Variants in NR3C2 observed in about 807,000 individuals in gnomAD.
NR3C2 encodes nuclear receptor subfamily 3 group C member 2, also known as mineralocorticoid receptor.
In NR3C2, 15 loss-of-function variants were observed where a neutral mutation model predicts 86.4. That is an observed-to-expected ratio of 0.17 (90% CI 0.12 to 0.27). The LOEUF is 0.27. NR3C2 is among the 10% of genes least tolerant of loss of function. The probability of loss-of-function intolerance (pLI) is 1.00; values close to 1 mark genes in which losing one functional copy is unlikely to be tolerated. For synonymous variants in NR3C2, 458 were observed against 450.5 expected, an observed-to-expected ratio of 1.02 and a Z score of -0.21; for missense variants, 960 against 1,195.6, an observed-to-expected ratio of 0.80 and a Z score of 2.91.
chr4:148,346,994 G>A (rs17484678), intron 2 of NR3C2, among the ~76,000 whole-genome samples: 15,255 of 152,084 alleles, frequency 0.1, 932 homozygotes, highest in Middle Eastern at 0.29. Flanking sequence ...GGAATAAGCC[G>A]ATAAAGCCAG....
At chr4:148,388,095 G>A (rs1747359486) in intron 2 of NR3C2, among the ~76,000 whole-genome samples, 2 of 152,142 alleles carry the variant, frequency 1.3e-5, no homozygotes, top group African/African-American at 2.4e-5. Context: ...TTTGTGTCTT[G>A]TTTGGAAATT....
At chr4:148,399,683 GACAC>G (rs3045291) in intron 2 of NR3C2, among the ~76,000 whole-genome samples, 76,117 of 150,498 alleles carry the variant, frequency 0.51, 21,221 homozygotes, top group East Asian at 0.75. Flanking sequence ...TATATATACA[GACAC>G]ACACACACAC....
At position 148,262,715 on chromosome 4, in the gene NR3C2, G is replaced by A. The variant is rs79680611; in HGVS notation, c.1758-2598C>T. On this transcript the variant is annotated intron_variant, in intron 2 of 8. Transcript: ENST00000358102. ...GGGTGGACCCCAATCTAATAGGACT[G>A]ATGTTATTATATACAGGGGAAATTG... Among the ~76,000 whole-genome samples, 28 of 152,208 alleles carry A rather than the reference G, an allele frequency of 1.8e-4. 1 individual carries two copies. The East Asian group carries it at 5.4e-3, about 29-fold the overall frequency.
At chr4:148,399,523 A>G (rs573153356) in intron 2 of NR3C2, among the ~76,000 whole-genome samples, 3 of 152,232 alleles carry the variant, frequency 2.0e-5, no homozygotes, top group Admixed American at 6.5e-5. Flanking sequence ...AGGGTTATCC[A>G]TATCGAATTT....
At chr4:148,193,050 T>C (rs1164588148) in intron 4 of NR3C2, among the ~76,000 whole-genome samples, 2 of 152,192 alleles carry the variant, frequency 1.3e-5, no homozygotes, top group Non-Finnish European at 2.9e-5. Flanking sequence ...TTCCTTCTCC[T>C]TGTGGAGTTT....
chr4:148,216,964 A>C (rs1449735690), intron 3 of NR3C2, among the ~76,000 whole-genome samples: 2 of 152,232 alleles, frequency 1.3e-5, no homozygotes, highest in Non-Finnish European at 2.9e-5. Context: ...GCTGAAAGCC[A>C]CCACCACAGA....
At chr4:148,374,862 T>C (rs937542886) in intron 2 of NR3C2, among the ~76,000 whole-genome samples, 11 of 152,156 alleles carry the variant, frequency 7.2e-5, no homozygotes. Context: ...CCAAAAAGAC[T>C]GACACAAAAT....
chr4:148,250,398 T>A (rs529828315), intron 3 of NR3C2, among the ~76,000 whole-genome samples: 2 of 152,340 alleles, frequency 1.3e-5, no homozygotes, highest in South Asian at 2.1e-4. Context: ...GCTAGAATCA[T>A]AATTTAGTAG....
At position 148,436,252 on chromosome 4, in the gene NR3C2, C is replaced by T; in HGVS notation, c.609G>A (p.Ser203=). Residue 203 remains serine (S), a synonymous_variant, in exon 2 of 9, where the codon TCG becomes TCA. Coordinates refer to ENST00000358102, the MANE Select transcript of NR3C2 (RefSeq NM_000901.5). ...SVCSPLNMTS[S]VCSPAGINSV... is the part of the protein sequence containing the mutation. ...AGTTGATTCCAGCAGGGCTGCAAACCGAAGATGTCATGTTCAGAGGGCTGC... is the reference window on the plus strand; with the variant it reads ...AGTTGATTCCAGCAGGGCTGCAAACTGAAGATGTCATGTTCAGAGGGCTGC... 1 of 1,614,118 alleles carries T rather than the reference C, an allele frequency of 6.2e-7. No homozygotes were observed. Among genetic ancestry groups the T allele is most frequent in the Non-Finnish European group, 8.5e-7 (1 of 1,180,028 alleles).
At chr4:148,306,836 G>A (rs1347916999) in intron 2 of NR3C2, among the ~76,000 whole-genome samples, 1 of 152,122 alleles carries the variant, frequency 6.6e-6, no homozygotes, top group Non-Finnish European at 1.5e-5. Context: ...TATATCTTAT[G>A]GGGCAAATGA....
chr4:148,424,870 T>G (rs1169896138), intron 2 of NR3C2, among the ~76,000 whole-genome samples: 1 of 152,172 alleles, frequency 6.6e-6, no homozygotes, highest in Non-Finnish European at 1.5e-5. Flanking sequence ...ACAAAACATG[T>G]AGAACTGAAC....
At chr4:148,322,008 G>A (rs1252642905) in intron 2 of NR3C2, among the ~76,000 whole-genome samples, 18 of 152,212 alleles carry the variant, frequency 1.2e-4, no homozygotes, top group South Asian at 8.3e-4. Flanking sequence ...ATTTTGCAGC[G>A]GCTGGTACTG....
At chr4:148,305,701 G>A (rs549079990) in intron 2 of NR3C2, among the ~76,000 whole-genome samples, 54 of 152,298 alleles carry the variant, frequency 3.5e-4, no homozygotes, top group African/African-American at 1.3e-3. Flanking sequence ...ATGCATTAAA[G>A]ATTATGACTT....
chr4:148,349,314 C>A (rs934928905), intron 2 of NR3C2, among the ~76,000 whole-genome samples: 1 of 151,958 alleles, frequency 6.6e-6, no homozygotes, highest in African/African-American at 2.4e-5. Context: ...TGTCAATGAT[C>A]TTTTTATTTG....
intron 8 of NR3C2, among the ~76,000 whole-genome samples, chr4:148,092,968 A>T (rs1440908684): frequency 6.6e-6 from 1 of 152,228 alleles, no homozygotes; most frequent in Non-Finnish European, 1.5e-5. Context: ...CTTTCCTGGT[A>T]GATCCCAGGC....
chr4:148,323,460 G>A (rs1209853770), intron 2 of NR3C2, among the ~76,000 whole-genome samples: 4 of 144,352 alleles, frequency 2.8e-5, no homozygotes, highest in South Asian at 2.4e-4. Context: ...GTGCAATGGC[G>A]GGCGCCCCTC....
intron 6 of NR3C2, among the ~76,000 whole-genome samples, chr4:148,149,721 A>C (rs900361352): frequency 1.3e-5 from 2 of 152,200 alleles, no homozygotes; most frequent in Non-Finnish European, 2.9e-5. Flanking sequence ...AAAGACATAC[A>C]ATCCAATTAA....
intron 2 of NR3C2, among the ~76,000 whole-genome samples, chr4:148,356,465 T>C (rs1579199306): frequency 6.6e-6 from 1 of 152,320 alleles, no homozygotes; most frequent in East Asian, 1.9e-4. Flanking sequence ...GTGACGTTTT[T>C]CTGTAGTGCC....
chr4:148,161,725 T>C lies in NR3C2; in HGVS notation c.2015-6824A>G, dbSNP rs532483198. ...ATATGTTTATTACTTAGCAAATAAC[T>C]AATATCCACCCATTGTATAAGAAGT... On this transcript the variant is annotated intron_variant, in intron 4 of 8. Transcript: ENST00000358102. Among the ~76,000 whole-genome samples, 9 of 152,268 alleles carry C rather than the reference T, an allele frequency of 5.9e-5. No individual in the cohort carries two copies. In the East Asian group the frequency reaches 1.7e-3, roughly 29 times the overall value.
Sources: gnomAD v4.1 joint callset for allele counts (sites outside exome capture counted in the v4.1 genomes callset) on GRCh38, gnomAD v4.1.1 for gene constraint, MANE v1.5 for transcripts, NCBI Gene and HGNC (gene_info 2026-07-23, HGNC 2026-07-21) for gene names.